Variants in EMC2 observed in about 807,000 individuals in gnomAD.
The protein encoded by EMC2 is ER membrane protein complex subunit 2.
Under a neutral mutation model 51.6 loss-of-function variants are expected in EMC2, and 37 were observed. The ratio of observed to expected loss-of-function variants is 0.72; its 90% CI spans 0.55 to 0.94. The LOEUF (loss-of-function observed/expected upper bound fraction) is 0.94. EMC2 is among the 40% of genes least tolerant of loss of function. The pLI is 0.00. For synonymous variants in EMC2, 131 were observed against 112.4 expected (o/e 1.17, Z -1.04); for missense variants, 359 against 350.9 (o/e 1.02, Z -0.18).
At chr8:108,464,141 C>G (rs1819405185) in intron 5 of EMC2, 1 of 152,224 alleles carries the variant, frequency 6.6e-6, no homozygotes, top group African/African-American at 2.4e-5. Flanking sequence ...GGGTAAGATG[C>G]TGCAGTGAAT....
intron 10 of EMC2, 151 bp from the exon 11 acceptor site, chr8:108,486,361 T>C: frequency 8.4e-7 from 1 of 1,193,238 alleles, no homozygotes; most frequent in Non-Finnish European, 1.1e-6. Context: ...ACTCAAATTT[T>C]ATTCTTATTG....
intron 1 of EMC2, among the ~76,000 whole-genome samples, chr8:108,445,933 T>G (rs1563689139): frequency 6.6e-6 from 1 of 152,244 alleles, no homozygotes; most frequent in African/African-American, 2.4e-5. Flanking sequence ...TTTAGTATCA[T>G]TCTTCTCTTA....
intron 10 of EMC2, among the ~76,000 whole-genome samples, chr8:108,483,289 A>G (rs1043006552): frequency 6.6e-6 from 1 of 152,176 alleles, no homozygotes; most frequent in African/African-American, 2.4e-5. Context: ...TTAAGTATAC[A>G]GTCTGAGTTT....
intron 5 of EMC2, among the ~76,000 whole-genome samples, chr8:108,468,387 A>C (rs1043870044): frequency 2.6e-5 from 4 of 152,140 alleles, no homozygotes; most frequent in Non-Finnish European, 5.9e-5. Context: ...TGTGCCTACT[A>C]TGTGACAGGC....
intron 1 of EMC2, among the ~76,000 whole-genome samples, chr8:108,445,092 T>C (rs537787731): frequency 3.9e-4 from 60 of 152,344 alleles, no homozygotes; most frequent in African/African-American, 1.4e-3. Flanking sequence ...AGTAGCTGTA[T>C]ACTACCAACA....
At chr8:108,451,174 G>A (rs1328283589) in intron 3 of EMC2, among the ~76,000 whole-genome samples, 2 of 151,442 alleles carry the variant, frequency 1.3e-5, no homozygotes, top group East Asian at 3.9e-4. Context: ...CTGCACTCCA[G>A]CCTGGGCAAC....
chr8:108,473,531 C>A (rs945095309), intron 7 of EMC2, among the ~76,000 whole-genome samples: 4 of 152,034 alleles, frequency 2.6e-5, no homozygotes, highest in Admixed American at 2.6e-4. Context: ...AAAATACATT[C>A]ACATTATGAA....
chr8:108,443,703 C>T lies in EMC2; in HGVS notation c.40+5C>T, dbSNP rs759555619. 28 of 1,608,086 alleles carry T rather than the reference C, an allele frequency of 1.7e-5. No individual in the cohort carries two copies. Among genetic ancestry groups the T allele is most frequent in the Admixed American group, 3.4e-5 (2 of 59,358 alleles). On this transcript the variant is annotated splice_donor_5th_base_variant and intron_variant, in intron 1 of 10. Coordinates refer to ENST00000220853, the MANE Select transcript of EMC2 (RefSeq NM_014673.5). ...TTTACGATGTCACTTGGGAAGGTAA[C>T]TTCGGGTGGGGGCGGGTGCGGAAAG...
Position 108,486,735 on chromosome 8 carries a change from G to C in EMC2, c.*137G>C. On this transcript the variant is annotated 3_prime_UTR_variant, in exon 11 of 11. Coordinates refer to ENST00000220853, the MANE Select transcript of EMC2 (RefSeq NM_014673.5). ...TTAAGAAGGCAGTTGTAAAGAATGTGTTTATATAAACCTAAAAATGCCTTT... is the reference window on the plus strand; with the variant it reads ...TTAAGAAGGCAGTTGTAAAGAATGTCTTTATATAAACCTAAAAATGCCTTT... 1 of 912,832 alleles carries C rather than the reference G, an allele frequency of 1.1e-6. No individual in the cohort carries two copies. The highest frequency in any genetic ancestry group is 1.5e-6 in the Non-Finnish European group (1 of 652,676). 56.5% of individuals were successfully genotyped at this position (912,832 alleles called of 1,614,324 possible). A position where few individuals can be genotyped will look rare whatever the true frequency, so the allele number is the denominator to read the frequency against.
chr8:108,468,157 G>T (rs12334833), intron 5 of EMC2, among the ~76,000 whole-genome samples: 1 of 152,116 alleles, frequency 6.6e-6, no homozygotes, highest in Non-Finnish European at 1.5e-5. Flanking sequence ...TTAAATGGCC[G>T]AAAGTTTCCT....
chr8:108,476,830 T>C lies in EMC2; in HGVS notation c.640T>C (p.Tyr214His). The part of the protein sequence containing the change: ...GLENLELSRK[Y>H]FAQALKLNNR... ...TGAAAACCTCGAACTTTCAAGAAAG[T>C]ATTTTGCACAGGCATTGAAACTGAA... Residue 214 changes from tyrosine (Y) to histidine (H), a missense_variant, in exon 9 of 11, where the codon TAT (tyrosine) becomes CAT (histidine). By Grantham distance (83) the Tyr-to-His change is moderately conservative. Transcript: ENST00000220853. 2 of 1,608,686 alleles carry C rather than the reference T, an allele frequency of 1.2e-6. No homozygotes were observed. Among genetic ancestry groups the C allele is most frequent in the East Asian group, 4.5e-5 (2 of 44,700 alleles).
chr8:108,460,960 T>C (rs1046075677), intron 5 of EMC2, among the ~76,000 whole-genome samples: 1 of 152,230 alleles, frequency 6.6e-6, no homozygotes, highest in African/African-American at 2.4e-5. Flanking sequence ...GTAGAGATAC[T>C]GTTTCTGTTC....
chr8:108,464,244 A>C lies in EMC2; in HGVS notation c.364-5582A>C, dbSNP rs905708193. ...CATCCATTTGATTAGTAGTTAACTG[A>C]AAAAGGGTTCCTTTTGGTAAAACTT... On this transcript the variant is annotated intron_variant, in intron 5 of 10. Coordinates refer to ENST00000220853, the MANE Select transcript of EMC2 (RefSeq NM_014673.5). 6 of 152,232 alleles carry C rather than the reference A, an allele frequency of 3.9e-5. No homozygotes were observed. The East Asian group carries it at 1.2e-3, about 29-fold the overall frequency. 9.4% of individuals were successfully genotyped at this position (152,232 alleles called of 1,614,324 possible). A position where few individuals can be genotyped will look rare whatever the true frequency, so the allele number is the denominator to read the frequency against.
intron 5 of EMC2, among the ~76,000 whole-genome samples, chr8:108,459,721 A>AGAGAGAGTGTGTGTGTGTGT (rs763020311): frequency 1.2e-4 from 17 of 136,968 alleles, no homozygotes; most frequent in African/African-American, 4.4e-4. Flanking sequence ...AGAGAGAGAG[A>AGAGAGAGTGTGTGTGTGTGT]GTGTGTGTGT....
chr8:108,448,181 A>G (rs566093397), intron 1 of EMC2, among the ~76,000 whole-genome samples: 1 of 152,314 alleles, frequency 6.6e-6, no homozygotes, highest in Middle Eastern at 3.4e-3. Flanking sequence ...TATATATTTT[A>G]TGTAATCTTA....
chr8:108,448,405 C>T (rs991941897), intron 1 of EMC2, among the ~76,000 whole-genome samples: 2 of 152,018 alleles, frequency 1.3e-5, no homozygotes, highest in Admixed American at 6.5e-5. Flanking sequence ...CATCTTGTAG[C>T]ACCCATAATT....
At chr8:108,465,027 G>T (rs1157961609) in intron 5 of EMC2, among the ~76,000 whole-genome samples, 1 of 152,042 alleles carries the variant, frequency 6.6e-6, no homozygotes, top group Non-Finnish European at 1.5e-5. Flanking sequence ...TTGCCGGTAG[G>T]CCTTAATCCT....
chr8:108,462,771 C>G (rs995591624), intron 5 of EMC2, among the ~76,000 whole-genome samples: 9 of 151,528 alleles, frequency 5.9e-5, no homozygotes. Flanking sequence ...GAGTCTCGCT[C>G]TGTCTCCCAG....
chr8:108,485,011 A>G (rs1316094069), intron 10 of EMC2, among the ~76,000 whole-genome samples: 16 of 151,920 alleles, frequency 1.1e-4, no homozygotes, highest in Admixed American at 9.2e-4. Context: ...TCCCCTAGAA[A>G]CATCCTTTAT....
Sources: gnomAD v4.1 joint callset for allele counts (sites outside exome capture counted in the v4.1 genomes callset) on GRCh38, gnomAD v4.1.1 for gene constraint, MANE v1.5 for transcripts, NCBI Gene and HGNC (gene_info 2026-07-23, HGNC 2026-07-21) for gene names.